KANK1: variants seen among roughly 807,000 people sequenced by gnomAD.
KANK1 encodes KN motif and ankyrin repeat domain-containing protein 1.
In KANK1, 109 loss-of-function variants were observed where a neutral mutation model predicts 106.2. The observed-to-expected ratio is 1.03, with a 90% CI of 0.88 to 1.20. The LOEUF (loss-of-function observed/expected upper bound fraction) is 1.20, where lower values mean the gene tolerates loss of function less well. Among genes scored for constraint, KANK1 ranks in the 50% most tolerant of loss-of-function variants. The probability of loss-of-function intolerance (pLI) is 0.00; values close to 1 mark genes in which losing one functional copy is unlikely to be tolerated. For synonymous variants in KANK1, 873 were observed against 652.2 expected (o/e 1.34, Z -5.16); for missense variants, 2,399 against 1,710.7 (o/e 1.40, Z -7.10).
chr9:732,254 G>T, intron 5 of KANK1, 124 bp from the exon 6 acceptor site: 1 of 1,174,664 alleles, frequency 8.5e-7, no homozygotes, highest in African/African-American at 1.5e-5. Context: ...GAACTTCTAA[G>T]TGCAGGATCT....
At chr9:696,047 C>G (rs982845888) in intron 2 of KANK1, among the ~76,000 whole-genome samples, 2 of 151,886 alleles carry the variant, frequency 1.3e-5, no homozygotes, top group African/African-American at 4.8e-5. Flanking sequence ...AATCCCAGCA[C>G]TTTGGGAAGC....
At chr9:730,528 C>A (rs1012600976) in intron 4 of KANK1, 1 of 386,776 alleles carries the variant, frequency 2.6e-6, no homozygotes, top group Admixed American at 3.8e-5. Flanking sequence ...CCCATCTCTA[C>A]TAAAAAATAC....
At chr9:710,009 C>G (rs1385677883) in intron 2 of KANK1, among the ~76,000 whole-genome samples, 1 of 151,988 alleles carries the variant, frequency 6.6e-6, no homozygotes, top group African/African-American at 2.4e-5. Flanking sequence ...TACTGATGGA[C>G]ATAAAGATGG....
chr9:529,901 A>G (rs2133477605), intron 1 of KANK1, among the ~76,000 whole-genome samples: 1 of 152,356 alleles, frequency 6.6e-6, no homozygotes, highest in South Asian at 2.1e-4. Flanking sequence ...TCTCACAGGC[A>G]AGGCATGAAA....
rs368873340 is a variant in KANK1 at position 567,514 on chromosome 9, G to A, written c.-84+62760G>A. 2.6e-5 allele frequency among the ~76,000 whole-genome samples: 4 copies of A among 152,246 alleles called. No homozygotes were observed. In the East Asian group the frequency reaches 5.8e-4, roughly 22 times the overall value. ...ACGAAGGACAACTTGGAGGTTAGAA[G>A]CAAGGGTCAGATATCTCTTACTGTC... On this transcript the variant is annotated intron_variant, in intron 1 of 11. Coordinates refer to ENST00000382297, the MANE Select transcript of KANK1 (RefSeq NM_015158.5).
At chr9:594,579 A>C (rs17347399) in intron 1 of KANK1, among the ~76,000 whole-genome samples, 6,196 of 151,950 alleles carry the variant, frequency 0.041, 175 homozygotes, top group Non-Finnish European at 0.055. Context: ...CTAAAGTCTT[A>C]AATAGTTAAT....
rs1587187332 is a variant in KANK1, at chr9:477,232, T to C, written c.-362+3959T>C. Among the ~76,000 whole-genome samples the C allele has an allele frequency of 1.3e-5, 2 of 152,226 alleles. 1 individual carries two copies. The highest frequency in any genetic ancestry group is 6.8e-3 in the Middle Eastern group (2 of 294). On this transcript the variant is annotated intron_variant, in intron 3 of 15. Coordinates refer to the KANK1 transcript ENST00000382303. ...CTCTTTTATATTTTGTGAATGACTT[T>C]TCCCCTGGTTAGCCTAAGGTAATTC... is the stretch of plus-strand genomic sequence containing the variant.
rs534423767 is a variant in KANK1 at position 709,236 on chromosome 9, C to T, written c.38-1568C>T. ...GAGAGAAACTGAGAAGTGGAAAACA[C>T]AAAATAGAGTTGAAGTCTTTCCTCT... On this transcript the variant is annotated intron_variant, in intron 2 of 11. Transcript: ENST00000382297. 4.6e-5 allele frequency among the ~76,000 whole-genome samples: 7 copies of T among 152,264 alleles called. No individual in the cohort carries two copies. The South Asian group carries it at 1.5e-3, about 32-fold the overall frequency.
rs141163305 is a variant in KANK1 at position 647,939 on chromosome 9, T to C, written c.-83-28951T>C. 3.0e-3 allele frequency among the ~76,000 whole-genome samples: 445 copies of C among 150,178 alleles called. 38 individuals are homozygous for C. The highest frequency in any genetic ancestry group is 0.011 in the African/African-American group (423 of 39,742). ...AGTACATTGCAACCCTCTGCTCTCA[T>C]GTGCACCTCACACACAGCCAGTCTA... is the stretch of plus-strand genomic sequence containing the variant. On this transcript the variant is annotated intron_variant, in intron 1 of 11. Transcript: ENST00000382297.
In KANK1 at chr9:745,214, C is replaced by T. The variant is rs1183773524; in HGVS notation, c.4038C>T (p.Thr1346=). The T allele has an allele frequency of 1.9e-6, 3 of 1,614,124 alleles. No homozygotes were observed. The highest frequency in any genetic ancestry group is 1.7e-6 in the Non-Finnish European group (2 of 1,179,988). ...GAAGGAAGACGTCTCCTGGCCCCAC[C>T]CACCGAGGTTCATTTGATTGATTGT... The part of the protein sequence containing the change: ...RLGRKTSPGP[T]HRGSFD Residue 1346 remains threonine (T), a synonymous_variant, in exon 12 of 12, where the codon ACC becomes ACT. Coordinates refer to ENST00000382297, the MANE Select transcript of KANK1 (RefSeq NM_015158.5).
intron 1 of KANK1, among the ~76,000 whole-genome samples, chr9:520,539 C>T (rs901930608): frequency 1.3e-5 from 2 of 151,616 alleles, no homozygotes; most frequent in Non-Finnish European, 2.9e-5. Context: ...GGATATAATC[C>T]TCTTTCAGGG....
rs142204581 is a variant in KANK1, at chr9:592,592, A to C, written c.-83-84298A>C. On this transcript the variant is annotated intron_variant, in intron 1 of 11. Coordinates refer to ENST00000382297, the MANE Select transcript of KANK1 (RefSeq NM_015158.5). ...TGGCAAGTATTTATAGAAGAAATGA[A>C]TCAATATTACATCTCTAACCACAAG... is the stretch of plus-strand genomic sequence containing the variant. Among the ~76,000 whole-genome samples the C allele has an allele frequency of 6.1e-3, 930 of 152,030 alleles. 10 individuals are homozygous for C. The highest frequency in any genetic ancestry group is 6.9e-3 in the Non-Finnish European group (471 of 68,024).
chr9:718,953 C>CTTTTTTTT (rs35097931), intron 3 of KANK1, among the ~76,000 whole-genome samples: 2 of 78,280 alleles, frequency 2.6e-5, no homozygotes, highest in African/African-American at 5.1e-5. Context: ...TGCTCGAGCC[C>CTTTTTTTT]TTTTTTTTTT....
intron 6 of KANK1, chr9:734,418 C>T (rs901547721): frequency 1.2e-5 from 3 of 241,528 alleles, no homozygotes; most frequent in Non-Finnish European, 2.5e-5. Flanking sequence ...GTAATCCCAG[C>T]ACTGTGGGAG....
intron 1 of KANK1, chr9:540,686 A>T (rs2060547553): frequency 6.6e-6 from 1 of 152,216 alleles, no homozygotes. Flanking sequence ...TTTCTGATTC[A>T]ATCTCCTTAC....
chr9:732,395 G>T lies in KANK1; in HGVS notation c.3023G>T (p.Ser1008Ile). Residue 1008 changes from serine to isoleucine, a missense_variant, in exon 6 of 12, where the codon AGT (serine) becomes ATT (isoleucine). Coordinates refer to ENST00000382297, the MANE Select transcript of KANK1 (RefSeq NM_015158.5). ...GINGGYETTS[S>I]DDSSSDESSS... ...CCACCTAGGTATGAAACAACTTCAA[G>T]TGATGATTCCAGCTCAGATGAAAGC... is the stretch of plus-strand genomic sequence containing the variant. The T allele has an allele frequency of 6.2e-7, 1 of 1,611,824 alleles. No homozygotes were observed. The highest frequency in any genetic ancestry group is 8.5e-7 in the Non-Finnish European group (1 of 1,178,038).
intron 1 of KANK1, among the ~76,000 whole-genome samples, chr9:575,545 A>C (rs1820323770): frequency 6.7e-6 from 1 of 149,472 alleles, no homozygotes; most frequent in Non-Finnish European, 1.5e-5. Context: ...GGTGATGCAC[A>C]CCTGTGTTCC....
intron 3 of KANK1, chr9:484,241 T>G (rs999958167): frequency 1.3e-5 from 2 of 152,244 alleles, no homozygotes; most frequent in African/African-American, 2.4e-5. Context: ...AGTTATTTGT[T>G]TAAAAGTTCC....
chr9:619,714 A>T (rs1180977601), intron 1 of KANK1, among the ~76,000 whole-genome samples: 1 of 152,160 alleles, frequency 6.6e-6, no homozygotes, highest in African/African-American at 2.4e-5. Flanking sequence ...AGGATTTAAT[A>T]TGCAATACAT....
Sources: gnomAD v4.1 joint callset for allele counts (sites outside exome capture counted in the v4.1 genomes callset) on GRCh38, gnomAD v4.1.1 for gene constraint, MANE v1.5 for transcripts, NCBI Gene and HGNC (gene_info 2026-07-23, HGNC 2026-07-21) for gene names.